The following PPP2R5D variants were observed in gnomAD, a reference collection of about 807,000 sequenced individuals.
The protein encoded by PPP2R5D is serine/threonine-protein phosphatase 2A 56 kDa regulatory subunit delta isoform.
PPP2R5D carries 12 observed loss-of-function variants against 79.1 expected under a neutral mutation model. The ratio of observed to expected loss-of-function variants is 0.15; its 90% CI spans 0.10 to 0.25. The LOEUF (loss-of-function observed/expected upper bound fraction) is 0.25. PPP2R5D is among the 10% of genes least tolerant of loss of function. PPP2R5D has a pLI of 1.00. For missense variants in PPP2R5D, 419 were observed against 760.2 expected, an observed-to-expected ratio of 0.55 and a Z score of 5.28; for synonymous variants, 277 against 286.6, an observed-to-expected ratio of 0.97 and a Z score of 0.34.
chr6:43,008,804 C>T lies in PPP2R5D; in HGVS notation c.1080+58C>T, dbSNP rs1229337677. ...CTTACTGTCAGCATCACTTGCCAGT[C>T]TGTACCTACTGGGGGTGCCATAAGG... is the stretch of plus-strand genomic sequence containing the variant. On this transcript the variant is annotated intron_variant, in intron 10 of 15. Transcript: ENST00000485511. The surrounding 1 kb of genome is among the most constrained non-coding windows in gnomAD (Gnocchi z 4.2). The T allele has an allele frequency of 1.9e-6, 3 of 1,544,434 alleles. No individual in the cohort carries two copies.
rs1410265177 is a variant in PPP2R5D, at chr6:43,010,736, G to A, written c.1554G>A (p.Gln518=). ...KIEELARLNP[Q]YPMFRAPPPL... ...AGGAGCTGGCCCGGCTTAATCCCCA[G>A]GTGAGGTTTTCCTGCCACTGTTGTG... The change falls in exon 14 of 16, where the codon CAG becomes CAA. Residue 518 remains glutamine, a splice_region_variant and synonymous_variant. Coordinates refer to ENST00000485511, the MANE Select transcript of PPP2R5D (RefSeq NM_006245.4). This position sits in a 1 kb window ranked among gnomAD's most constrained non-coding sequence, Gnocchi z 4.7. 7.4e-6 allele frequency: 12 copies of A among 1,613,940 alleles called. No individual in the cohort carries two copies. The highest frequency in any genetic ancestry group is 9.3e-6 in the Non-Finnish European group (11 of 1,179,866).
intron 2 of PPP2R5D, among the ~76,000 whole-genome samples, chr6:43,000,973 G>A (rs1213728243): frequency 2.0e-5 from 3 of 152,172 alleles, no homozygotes; most frequent in African/African-American, 7.2e-5. Context: ...GACACATGAA[G>A]AGACTAAGAG....
At chr6:43,003,954 G>A (rs1030825807) in intron 2 of PPP2R5D, among the ~76,000 whole-genome samples, 2 of 151,392 alleles carry the variant, frequency 1.3e-5, no homozygotes, top group African/African-American at 4.9e-5. Flanking sequence ...TCCTGACCTC[G>A]TGATCTGCCC....
rs199903696 is a variant in PPP2R5D, at chr6:43,009,461, G to C, written c.1379+12G>C. On this transcript the variant is annotated intron_variant, in intron 12 of 15. Coordinates refer to ENST00000485511, the MANE Select transcript of PPP2R5D (RefSeq NM_006245.4). The surrounding 1 kb of genome is among the most constrained non-coding windows in gnomAD (Gnocchi z 5.6). Reference sequence around the variant, plus strand: ...AGCCACTGGAACAAGTAAGGCGCTGGGGTGGGGCTGGGTGGTGGGGATCCA... The same window carrying C: ...AGCCACTGGAACAAGTAAGGCGCTGCGGTGGGGCTGGGTGGTGGGGATCCA... The C allele has an allele frequency of 8.1e-6, 13 of 1,613,990 alleles. No homozygotes were observed. In the African/African-American group the frequency reaches 1.3e-4, roughly 17 times the overall value.
chr6:43,001,154 C>CTTTTCT (rs967193746), intron 2 of PPP2R5D, among the ~76,000 whole-genome samples: 2 of 152,114 alleles, frequency 1.3e-5, no homozygotes, highest in Non-Finnish European at 2.9e-5. Flanking sequence ...GATTTTCTTC[C>CTTTTCT]TTTTCTTTTT....
intron 2 of PPP2R5D, among the ~76,000 whole-genome samples, chr6:42,996,513 A>G (rs554996398): frequency 5.3e-5 from 8 of 151,402 alleles, no homozygotes; most frequent in African/African-American, 1.9e-4. Context: ...AGAAAAAAAA[A>G]CAAACAAATC....
intron 2 of PPP2R5D, among the ~76,000 whole-genome samples, chr6:43,000,490 G>A (rs1480872248): frequency 6.6e-6 from 1 of 151,922 alleles, no homozygotes; most frequent in East Asian, 1.9e-4. Flanking sequence ...TGATCCACCC[G>A]CCTTGGCCTC....
chr6:42,992,324 G>T (rs1771329717), intron 2 of PPP2R5D, among the ~76,000 whole-genome samples: 1 of 152,156 alleles, frequency 6.6e-6, no homozygotes, highest in South Asian at 2.1e-4. Context: ...CTCCCAAAGT[G>T]CTGGGATTAC....
rs1762094447 is a variant in PPP2R5D at position 43,006,598 on chromosome 6, G to A, written c.241G>A (p.Val81Ile). The A allele has an allele frequency of 1.2e-6, 2 of 1,614,138 alleles. No homozygotes were observed. Among genetic ancestry groups the A allele is most frequent in the Non-Finnish European group, 1.7e-6 (2 of 1,180,030 alleles). The change falls in exon 3 of 16, where the codon GTC (valine) becomes ATC (isoleucine). Residue 81 changes from valine to isoleucine, a missense_variant. By Grantham distance (29) the Val-to-Ile change is conservative (BLOSUM62 3). Coordinates refer to ENST00000485511, the MANE Select transcript of PPP2R5D (RefSeq NM_006245.4). This position sits in a 1 kb window ranked among gnomAD's most constrained non-coding sequence, Gnocchi z 4.7. ...CAAGTACTCAGGGGGGCCCCAGATT[G>A]TCAAGAAGGAGCGACGGCAAAGCTC... ...KIKYSGGPQI[V>I]KKERRQSSSR...
intron 2 of PPP2R5D, among the ~76,000 whole-genome samples, chr6:43,001,010 G>A (rs1046638358): frequency 4.6e-5 from 7 of 152,206 alleles, no homozygotes; most frequent in Non-Finnish European, 8.8e-5. Flanking sequence ...AGCAGTCACA[G>A]CGCCAAGGGA....
At position 42,989,703 on chromosome 6, in the gene PPP2R5D, C is replaced by T. The variant is rs757390516; in HGVS notation, c.105+15C>T. 32 of 1,608,892 alleles carry T rather than the reference C, an allele frequency of 2.0e-5. No homozygotes were observed. The highest frequency in any genetic ancestry group is 1.7e-4 in the South Asian group (15 of 90,728). On this transcript the variant is annotated intron_variant, in intron 2 of 15. Coordinates refer to ENST00000485511, the MANE Select transcript of PPP2R5D (RefSeq NM_006245.4). ...ACACTGAGGAGGTAATGAATGTAGG[C>T]GTAGCCTTAGATGTGGTGCAGGTGC... is the stretch of plus-strand genomic sequence containing the variant.
rs371839899 is a variant in PPP2R5D, at chr6:42,984,714, G to T, written c.27+10G>T. The T allele has an allele frequency of 9.7e-5, 156 of 1,611,972 alleles. No individual in the cohort carries two copies. Among genetic ancestry groups the T allele is most frequent in the Non-Finnish European group, 1.3e-4 (153 of 1,179,122 alleles). On this transcript the variant is annotated intron_variant, in intron 1 of 15. Transcript: ENST00000485511. Reference sequence around the variant, plus strand: ...ACTGAAAAAGGAGAAGGTGAGCGTGGCCCTTTTTCCCCCACCGCCGCCTTG... The same window carrying T: ...ACTGAAAAAGGAGAAGGTGAGCGTGTCCCTTTTTCCCCCACCGCCGCCTTG...
rs1561850219 is a variant in PPP2R5D at position 43,007,370 on chromosome 6, G to A, written c.634-44G>A. On this transcript the variant is annotated intron_variant, in intron 5 of 15. Transcript: ENST00000485511. The surrounding 1 kb of genome is among the most constrained non-coding windows in gnomAD (Gnocchi z 4.5). ...GAGTGGGGCACTTGGAGGCCTGCAA[G>A]TCCTTGGGAACATCCCCTCAGTGGC... 2 of 1,604,424 alleles carry A rather than the reference G, an allele frequency of 1.2e-6. No homozygotes were observed. Among genetic ancestry groups the A allele is most frequent in the African/African-American group, 2.7e-5 (2 of 74,826 alleles).
At chr6:42,985,264 C>T (rs1048161366) in intron 1 of PPP2R5D, among the ~76,000 whole-genome samples, 19 of 152,230 alleles carry the variant, frequency 1.2e-4, no homozygotes, top group Non-Finnish European at 2.5e-4. Flanking sequence ...AGGCCCCTCC[C>T]TCTAGTTCTT....
intron 2 of PPP2R5D, among the ~76,000 whole-genome samples, chr6:42,996,288 C>T (rs1771681188): frequency 6.6e-6 from 1 of 150,550 alleles, no homozygotes; most frequent in East Asian, 2.0e-4. Context: ...CATGGTGAAA[C>T]CCCGTCTCTA....
chr6:43,002,879 G>A (rs1369397509), intron 2 of PPP2R5D, among the ~76,000 whole-genome samples: 1 of 152,200 alleles, frequency 6.6e-6, no homozygotes, highest in Non-Finnish European at 1.5e-5. Context: ...AGGCCAAGAG[G>A]TCACCTTTCC....
At chr6:42,993,911 A>C (rs1383645517) in intron 2 of PPP2R5D, among the ~76,000 whole-genome samples, 1 of 152,232 alleles carries the variant, frequency 6.6e-6, no homozygotes, top group African/African-American at 2.4e-5. Flanking sequence ...TGTACCAGGC[A>C]CTGTGCTAAG....
intron 2 of PPP2R5D, among the ~76,000 whole-genome samples, chr6:42,999,099 A>T (rs1392762581): frequency 6.6e-6 from 1 of 152,202 alleles, no homozygotes; most frequent in Non-Finnish European, 1.5e-5. Flanking sequence ...AGTAGAGGAC[A>T]GATTGGCCAA....
Position 43,012,161 on chromosome 6 carries a change from G to C in PPP2R5D, c.*875G>C. On this transcript the variant is annotated 3_prime_UTR_variant, in exon 16 of 16. Coordinates refer to ENST00000485511, the MANE Select transcript of PPP2R5D (RefSeq NM_006245.4). ...GCAGGCCTTCTCTTGTCCCTTATAG[G>C]TACCTTGGAGGGGCCAGGGGCTGAG... The C allele has an allele frequency of 9.4e-7, 1 of 1,068,888 alleles. No individual in the cohort carries two copies. 66.2% of individuals were successfully genotyped at this position (1,068,888 alleles called of 1,614,324 possible). A position where few individuals can be genotyped will look rare whatever the true frequency, so the allele number is the denominator to read the frequency against.
Sources: allele counts gnomAD v4.1 joint callset (sites outside exome capture counted in the v4.1 genomes callset), GRCh38; gene constraint gnomAD v4.1.1; non-coding constraint Gnocchi (gnomAD v3.1); transcripts MANE v1.5; gene names NCBI Gene and HGNC (gene_info 2026-07-23, HGNC 2026-07-21).